CAMK2D: variants seen among roughly 807,000 people sequenced by gnomAD.
The protein encoded by CAMK2D is calcium/calmodulin-dependent protein kinase type II subunit delta.
In CAMK2D, 37 loss-of-function variants were observed where a neutral mutation model predicts 84.0. The ratio of observed to expected loss-of-function variants is 0.44; its 90% CI spans 0.34 to 0.58. The LOEUF is 0.58. CAMK2D is among the 20% of genes least tolerant of loss of function. The probability of loss-of-function intolerance (pLI) is 0.02; values close to 1 mark genes in which losing one functional copy is unlikely to be tolerated. For missense variants in CAMK2D, 448 were observed against 652.5 expected (o/e 0.69, Z 3.41); for synonymous variants, 202 against 212.5 (o/e 0.95, Z 0.43).
chr4:113,574,570 G>A (rs986676326), intron 4 of CAMK2D, among the ~76,000 whole-genome samples: 1 of 152,094 alleles, frequency 6.6e-6, no homozygotes, highest in Admixed American at 6.5e-5. Flanking sequence ...TTTGAGTTTT[G>A]GTTTACAAAC....
At chr4:113,700,392 A>G (rs10461194) in intron 2 of CAMK2D, among the ~76,000 whole-genome samples, 106,975 of 151,960 alleles carry the variant, frequency 0.7, 38,454 homozygotes, top group African/African-American at 0.84. Flanking sequence ...TTCTCAAGGC[A>G]GTAACAGTGG....
At chr4:113,501,363 A>T (rs187517073) in intron 15 of CAMK2D, among the ~76,000 whole-genome samples, 13 of 152,156 alleles carry the variant, frequency 8.5e-5, no homozygotes, top group Admixed American at 3.3e-4. Context: ...TCTAGCAAAT[A>T]AATTTTGCAA....
chr4:113,515,296 T>TGAAG, intron 9 of CAMK2D, 105 bp from the exon 10 acceptor site: 1 of 704,994 alleles, frequency 1.4e-6, no homozygotes, highest in Non-Finnish European at 2.3e-6. Context: ...AATTTCTTCA[T>TGAAG]AAATTTACTT....
At chr4:113,732,048 C>T (rs114983430) in intron 2 of CAMK2D, among the ~76,000 whole-genome samples, 108 of 151,746 alleles carry the variant, frequency 7.1e-4, no homozygotes, top group African/African-American at 8.2e-4. Context: ...TCCTTTGGGC[C>T]GGGGTTTCTC....
At chr4:113,567,969 G>A (rs1047767679) in intron 4 of CAMK2D, among the ~76,000 whole-genome samples, 1 of 152,110 alleles carries the variant, frequency 6.6e-6, no homozygotes, top group South Asian at 2.1e-4. Context: ...ATTTACTTAG[G>A]AGAAGTAATT....
At position 113,671,123 on chromosome 4, in the gene CAMK2D, G is replaced by A. The variant is rs117628186; in HGVS notation, c.161-9351C>T. On this transcript the variant is annotated intron_variant, in intron 2 of 20. Coordinates refer to ENST00000511664, the MANE Select transcript of CAMK2D (RefSeq NM_001321571.2). Reference sequence around the variant, plus strand: ...CATTTTTCCTAAGAATTAAGTACACGAATTTATACAAAAAGTGAAAAGTAT... The same window carrying A: ...CATTTTTCCTAAGAATTAAGTACACAAATTTATACAAAAAGTGAAAAGTAT... Among the ~76,000 whole-genome samples the A allele has an allele frequency of 1.9e-3, 286 of 152,086 alleles. 8 individuals are homozygous for A. In the East Asian group the frequency reaches 0.044, roughly 23 times the overall value.
intron 4 of CAMK2D, among the ~76,000 whole-genome samples, chr4:113,576,755 C>T (rs983740252): frequency 2.6e-5 from 4 of 151,866 alleles, no homozygotes; most frequent in African/African-American, 9.7e-5. Context: ...AATTAAGAGG[C>T]TAGAATAATT....
Position 113,548,811 on chromosome 4 carries a change from C to A in CAMK2D, c.342-1095G>T, listed in dbSNP as rs531249744. ...ATTGAATATGAAATAAAATGAAAGT[C>A]CCAATGAAACAAACAAACAAACAAA... On this transcript the variant is annotated intron_variant, in intron 5 of 20. Coordinates refer to ENST00000511664, the MANE Select transcript of CAMK2D (RefSeq NM_001321571.2). 6 of 667,496 alleles carry A rather than the reference C, an allele frequency of 9.0e-6. No individual in the cohort carries two copies. The East Asian group carries it at 1.7e-4, about 19-fold the overall frequency. 41.3% of individuals were successfully genotyped at this position (667,496 alleles called of 1,614,324 possible).
At chr4:113,472,802 AC>A (rs1465761136) in intron 16 of CAMK2D, among the ~76,000 whole-genome samples, 1 of 152,256 alleles carries the variant, frequency 6.6e-6, no homozygotes, top group Non-Finnish European at 1.5e-5. Flanking sequence ...TTATATAGCA[AC>A]AATTTTTGTA....
chr4:113,502,238 G>A (rs1344828361), intron 15 of CAMK2D, among the ~76,000 whole-genome samples: 1 of 152,018 alleles, frequency 6.6e-6, no homozygotes, highest in Non-Finnish European at 1.5e-5. Context: ...TAGTTAACAT[G>A]CTATACAAAT....
intron 2 of CAMK2D, among the ~76,000 whole-genome samples, chr4:113,698,429 A>G (rs1458755310): frequency 6.6e-6 from 1 of 152,124 alleles, no homozygotes; most frequent in African/African-American, 2.4e-5. Context: ...TGTACCTTGT[A>G]CAGTTTCTGT....
At chr4:113,530,534 C>T (rs1264810350) in intron 8 of CAMK2D, among the ~76,000 whole-genome samples, 1 of 152,150 alleles carries the variant, frequency 6.6e-6, no homozygotes, top group East Asian at 1.9e-4. Context: ...ATTTGTGTCC[C>T]TCATAAAATG....
intron 16 of CAMK2D, among the ~76,000 whole-genome samples, chr4:113,489,166 T>A (rs2097795109): frequency 6.6e-6 from 1 of 152,160 alleles, no homozygotes; most frequent in South Asian, 2.1e-4. Context: ...TACTTTAAGT[T>A]TTAGGGTACA....
chr4:113,552,734 G>A (rs572484869), intron 4 of CAMK2D, among the ~76,000 whole-genome samples: 13 of 152,282 alleles, frequency 8.5e-5, no homozygotes, highest in Admixed American at 3.9e-4. Flanking sequence ...GTGCACACAC[G>A]TGTATGTGCA....
intron 2 of CAMK2D, among the ~76,000 whole-genome samples, chr4:113,752,448 C>T (rs1300145798): frequency 1.3e-5 from 2 of 151,904 alleles, no homozygotes; most frequent in East Asian, 3.9e-4. Flanking sequence ...CTTTAAATTG[C>T]CACATTTTTG....
chr4:113,474,685 C>G (rs1427052498), intron 16 of CAMK2D, among the ~76,000 whole-genome samples: 1 of 151,818 alleles, frequency 6.6e-6, no homozygotes, highest in East Asian at 1.9e-4. Context: ...TTGCTCTTGT[C>G]CCCCAGGCTG....
intron 2 of CAMK2D, among the ~76,000 whole-genome samples, chr4:113,705,928 T>A (rs868086494): frequency 5.3e-5 from 8 of 152,096 alleles, no homozygotes; most frequent in Non-Finnish European, 4.4e-5. Context: ...TCCAAAAACC[T>A]GTAACACCAT....
At chr4:113,517,080 A>G (rs1336725642) in intron 9 of CAMK2D, among the ~76,000 whole-genome samples, 1 of 151,940 alleles carries the variant, frequency 6.6e-6, no homozygotes, top group African/African-American at 2.4e-5. Context: ...CTCATTCTTC[A>G]AATGAAAGCT....
chr4:113,628,607 A>G (rs540252225), intron 3 of CAMK2D, among the ~76,000 whole-genome samples: 11 of 152,206 alleles, frequency 7.2e-5, no homozygotes, highest in Non-Finnish European at 1.2e-4. Flanking sequence ...TCATCATTTC[A>G]TGACATATTT....
Sources: gnomAD v4.1 joint callset for allele counts (sites outside exome capture counted in the v4.1 genomes callset) on GRCh38, gnomAD v4.1.1 for gene constraint, MANE v1.5 for transcripts, NCBI Gene and HGNC (gene_info 2026-07-23, HGNC 2026-07-21) for gene names.